The following UNC5C variants were observed in gnomAD, a reference collection of about 807,000 sequenced individuals.
The protein encoded by UNC5C is netrin receptor UNC5C.
Under a neutral mutation model 99.8 loss-of-function variants are expected in UNC5C, and 47 were observed. The observed-to-expected ratio is 0.47, with a 90% CI of 0.37 to 0.60. The LOEUF (loss-of-function observed/expected upper bound fraction) is 0.60, where lower values mean the gene tolerates loss of function less well. UNC5C is among the 20% of genes least tolerant of loss of function. The probability of loss-of-function intolerance (pLI) is 0.00; values close to 1 mark genes in which losing one functional copy is unlikely to be tolerated. For missense variants in UNC5C, 1,062 were observed against 1,165.9 expected (o/e 0.91, Z 1.30); for synonymous variants, 487 against 452.2 (o/e 1.08, Z -0.98).
At chr4:95,465,359 T>G (rs1193440234) in intron 1 of UNC5C, among the ~76,000 whole-genome samples, 1 of 152,148 alleles carries the variant, frequency 6.6e-6, no homozygotes, top group Admixed American at 6.5e-5. Context: ...GTTGACATAC[T>G]TGAAGTGGAA....
intron 7 of UNC5C, among the ~76,000 whole-genome samples, chr4:95,230,408 T>C (rs917813628): frequency 2.6e-5 from 4 of 152,196 alleles, no homozygotes; most frequent in African/African-American, 9.6e-5. Flanking sequence ...TTCACTCTGA[T>C]GATAGTTTCT....
At chr4:95,170,048 G>A in intron 15 of UNC5C, 106 bp downstream of exon 15, 2 of 1,414,234 alleles carry the variant, frequency 1.4e-6, no homozygotes, top group Non-Finnish European at 1.9e-6. Flanking sequence ...AAATTAAATA[G>A]ATGTGTGGAT....
intron 1 of UNC5C, among the ~76,000 whole-genome samples, chr4:95,473,145 CT>C (rs1390798131): frequency 6.6e-6 from 1 of 152,194 alleles, no homozygotes; most frequent in East Asian, 1.9e-4. Context: ...CATGCCAACT[CT>C]TCTTTTGTGT....
At chr4:95,309,535 G>T (rs1742200401) in intron 2 of UNC5C, among the ~76,000 whole-genome samples, 1 of 152,030 alleles carries the variant, frequency 6.6e-6, no homozygotes, top group African/African-American at 2.4e-5. Context: ...CCATACATCT[G>T]ATAAAGGGTC....
intron 7 of UNC5C, among the ~76,000 whole-genome samples, chr4:95,237,968 G>A (rs1579256771): frequency 6.6e-6 from 1 of 152,124 alleles, no homozygotes; most frequent in Non-Finnish European, 1.5e-5. Flanking sequence ...CTTGAACCAG[G>A]AAGTCAGAGG....
chr4:95,174,380 A>C (rs538689017), intron 14 of UNC5C, among the ~76,000 whole-genome samples: 16 of 152,206 alleles, frequency 1.1e-4, no homozygotes, highest in Non-Finnish European at 1.5e-4. Flanking sequence ...TGGGCATTAA[A>C]GTGCTATAAA....
intron 1 of UNC5C, among the ~76,000 whole-genome samples, chr4:95,537,260 G>A (rs939917751): frequency 6.6e-6 from 1 of 152,172 alleles, no homozygotes; most frequent in Non-Finnish European, 1.5e-5. Context: ...AGTGACCGTT[G>A]TGAAAATGCT....
At chr4:95,381,859 C>A (rs1745080670) in intron 1 of UNC5C, among the ~76,000 whole-genome samples, 1 of 152,012 alleles carries the variant, frequency 6.6e-6, no homozygotes, top group Non-Finnish European at 1.5e-5. Context: ...GGTATGATGC[C>A]AGTTTAATAG....
At chr4:95,263,535 A>G (rs1740323914) in intron 4 of UNC5C, among the ~76,000 whole-genome samples, 1 of 152,098 alleles carries the variant, frequency 6.6e-6, no homozygotes, top group African/African-American at 2.4e-5. Context: ...CTCTCCAAAT[A>G]TGTCTCCTGG....
At chr4:95,383,490 A>G (rs1341346896) in intron 1 of UNC5C, among the ~76,000 whole-genome samples, 3 of 152,228 alleles carry the variant, frequency 2.0e-5, no homozygotes, top group African/African-American at 4.8e-5. Context: ...CATAATAGCC[A>G]TTCTTGAGAT....
At chr4:95,264,750 C>T (rs970522112) in intron 4 of UNC5C, among the ~76,000 whole-genome samples, 3 of 152,166 alleles carry the variant, frequency 2.0e-5, no homozygotes, top group Non-Finnish European at 4.4e-5. Flanking sequence ...ACTTCACTTT[C>T]AAAGGTGATC....
At chr4:95,299,832 A>G (rs1579306650) in intron 3 of UNC5C, among the ~76,000 whole-genome samples, 1 of 152,188 alleles carries the variant, frequency 6.6e-6, no homozygotes, top group Non-Finnish European at 1.5e-5. Context: ...TTACAATTCA[A>G]GGTGAGATTT....
rs77714307 is a variant in UNC5C, at chr4:95,532,267, C to T, written c.124+16467G>A. ...ATCTAAGAGATGGGAAGCACTCACT[C>T]CTGAGATAGTCTTGATTTCCACCTA... On this transcript the variant is annotated intron_variant, in intron 1 of 15. Coordinates refer to ENST00000453304, the MANE Select transcript of UNC5C (RefSeq NM_003728.4). 5.3e-3 allele frequency among the ~76,000 whole-genome samples: 800 copies of T among 152,148 alleles called. 7 individuals carry two copies. The highest frequency in any genetic ancestry group is 0.015 in the African/African-American group (623 of 41,504).
chr4:95,273,397 T>C (rs1740734098), intron 4 of UNC5C, among the ~76,000 whole-genome samples: 1 of 152,218 alleles, frequency 6.6e-6, no homozygotes, highest in African/African-American at 2.4e-5. Flanking sequence ...AGAGATAATC[T>C]GATAAAGCAT....
At chr4:95,300,717 T>C (rs1005595206) in intron 3 of UNC5C, among the ~76,000 whole-genome samples, 1 of 151,992 alleles carries the variant, frequency 6.6e-6, no homozygotes, top group African/African-American at 2.4e-5. Context: ...AATTACTCAG[T>C]GCCTTAAAAC....
chr4:95,251,847 T>C (rs1332857819), intron 4 of UNC5C, among the ~76,000 whole-genome samples: 2 of 152,136 alleles, frequency 1.3e-5, no homozygotes, highest in African/African-American at 4.8e-5. Context: ...AATGCTCCTC[T>C]AATCCTTAGA....
chr4:95,196,063 C>T (rs1391729542), intron 12 of UNC5C, among the ~76,000 whole-genome samples: 1 of 151,978 alleles, frequency 6.6e-6, no homozygotes, highest in African/African-American at 2.4e-5. Context: ...CCCTTTATTC[C>T]AAAAAGAGAC....
At chr4:95,339,767 G>A (rs879379140) in intron 1 of UNC5C, among the ~76,000 whole-genome samples, 1 of 152,052 alleles carries the variant, frequency 6.6e-6, no homozygotes, top group Admixed American at 6.6e-5. Flanking sequence ...TGGGCAAAAT[G>A]ACTTGATTAA....
chr4:95,229,559 G>C (rs1738824663), intron 7 of UNC5C, among the ~76,000 whole-genome samples: 1 of 152,042 alleles, frequency 6.6e-6, no homozygotes, highest in Admixed American at 6.6e-5. Flanking sequence ...CCAAGTCTTT[G>C]TTATTGTGAA....
Sources: gnomAD v4.1 joint callset for allele counts (sites outside exome capture counted in the v4.1 genomes callset) on GRCh38, gnomAD v4.1.1 for gene constraint, MANE v1.5 for transcripts, NCBI Gene and HGNC (gene_info 2026-07-23, HGNC 2026-07-21) for gene names.